ZNF536: variants seen among roughly 807,000 people sequenced by gnomAD.
The protein encoded by ZNF536 is zinc finger protein 536.
ZNF536 carries 13 observed loss-of-function variants against 84.5 expected under a neutral mutation model. The ratio of observed to expected loss-of-function variants is 0.15; its 90% CI spans 0.10 to 0.24. The LOEUF (loss-of-function observed/expected upper bound fraction) is 0.24, where lower values mean the gene tolerates loss of function less well. Among genes scored for constraint, ZNF536 ranks in the 10% least tolerant of loss-of-function variants. The pLI is 1.00. For synonymous variants in ZNF536, 811 were observed against 742.5 expected, an observed-to-expected ratio of 1.09 and a Z score of -1.50; for missense variants, 1,536 against 1,747.5, an observed-to-expected ratio of 0.88 and a Z score of 2.16.
intron 1 of ZNF536, among the ~76,000 whole-genome samples, chr19:30,592,717 A>G (rs1425081929): frequency 6.6e-6 from 1 of 151,776 alleles, no homozygotes; most frequent in African/African-American, 2.4e-5. Context: ...AAGCCCAAAG[A>G]TTAAATCAAC....
intron 1 of ZNF536, among the ~76,000 whole-genome samples, chr19:30,700,264 TTC>T (rs2051879385): frequency 6.9e-6 from 1 of 144,588 alleles, no homozygotes; most frequent in Admixed American, 6.9e-5. Context: ...CTTTCTTTCT[TTC>T]TCTTTGTGTC....
intron 1 of ZNF536, among the ~76,000 whole-genome samples, chr19:30,612,404 A>G (rs1337208621): frequency 6.6e-6 from 1 of 152,160 alleles, no homozygotes; most frequent in East Asian, 1.9e-4. Flanking sequence ...TTGCGGGACC[A>G]TCACCTCTTT....
At chr19:30,673,977 C>T (rs576991760) in intron 1 of ZNF536, among the ~76,000 whole-genome samples, 1 of 152,288 alleles carries the variant, frequency 6.6e-6, no homozygotes, top group African/African-American at 2.4e-5. Context: ...CACTTGGGTT[C>T]CATCAGCTGT....
chr19:30,625,630 G>A (rs2048647138), intron 1 of ZNF536, among the ~76,000 whole-genome samples: 1 of 152,206 alleles, frequency 6.6e-6, no homozygotes, highest in Admixed American at 6.5e-5. Flanking sequence ...ATGTTGAGAG[G>A]TTATGAAAAC....
At chr19:30,553,742 G>A (rs1389665622) in intron 4 of ZNF536, among the ~76,000 whole-genome samples, 3 of 152,200 alleles carry the variant, frequency 2.0e-5, no homozygotes, top group Non-Finnish European at 2.9e-5. Context: ...AGGCAGGGGC[G>A]TTGCATAAGC....
intron 2 of ZNF536, among the ~76,000 whole-genome samples, chr19:30,460,321 G>A (rs1004698318): frequency 5.9e-5 from 9 of 152,170 alleles, no homozygotes; most frequent in Non-Finnish European, 1.2e-4. Flanking sequence ...GATTCAGACG[G>A]AGGAGGAGGC....
chr19:30,713,541 A>G (rs934227623), downstream of ZNF536: 1 of 152,168 alleles, frequency 6.6e-6, no homozygotes, highest in Non-Finnish European at 1.5e-5. Flanking sequence ...TTTTTTCAGC[A>G]ATGACTGTTT....
intron 2 of ZNF536, among the ~76,000 whole-genome samples, chr19:30,305,545 C>T (rs1291390488): frequency 6.6e-6 from 1 of 152,172 alleles, no homozygotes; most frequent in African/African-American, 2.4e-5. Flanking sequence ...CTGAGATAGC[C>T]CTGAGCCTCA....
chr19:30,505,544 C>T (rs913592384), intron 2 of ZNF536, among the ~76,000 whole-genome samples: 8 of 150,842 alleles, frequency 5.3e-5, no homozygotes, highest in Admixed American at 4.6e-4. Context: ...CAAGGATATT[C>T]ACTGAGACTC....
intron 2 of ZNF536, among the ~76,000 whole-genome samples, chr19:30,323,271 C>T (rs748948625): frequency 3.9e-5 from 6 of 152,136 alleles, no homozygotes; most frequent in Non-Finnish European, 5.9e-5. Context: ...CCTCCTTTTC[C>T]CCTAGCCCTT....
upstream of ZNF536, among the ~76,000 whole-genome samples, chr19:30,226,107 C>T (rs1319300954): frequency 6.6e-6 from 1 of 151,724 alleles, no homozygotes; most frequent in Non-Finnish European, 1.5e-5. The surrounding 1 kb of genome is among the most constrained non-coding windows in gnomAD (Gnocchi z 4.6). Flanking sequence ...GCCTGGCGCC[C>T]GGCGCGCGAT....
At chr19:30,527,010 C>G (rs2044613384) in intron 2 of ZNF536, among the ~76,000 whole-genome samples, 1 of 151,848 alleles carries the variant, frequency 6.6e-6, no homozygotes, top group African/African-American at 2.4e-5. Context: ...CCTCCGCCTC[C>G]TGGGTTCAAG....
intron 1 of ZNF536, among the ~76,000 whole-genome samples, chr19:30,577,925 G>A (rs952182242): frequency 5.9e-5 from 9 of 152,202 alleles, no homozygotes; most frequent in Admixed American, 4.6e-4. Context: ...CCTGTGGTGG[G>A]GATGAAGAGA....
At chr19:30,617,501 C>T (rs2048345423) in intron 1 of ZNF536, among the ~76,000 whole-genome samples, 1 of 151,542 alleles carries the variant, frequency 6.6e-6, no homozygotes, top group Admixed American at 6.6e-5. Flanking sequence ...CAGGCGCCTG[C>T]CACCACGCCT....
intron 1 of ZNF536, among the ~76,000 whole-genome samples, chr19:30,603,484 T>G (rs1302246657): frequency 5.3e-5 from 8 of 152,208 alleles, no homozygotes; most frequent in Non-Finnish European, 1.2e-4. Flanking sequence ...AAAAATAGTG[T>G]GGAGTCTGTT....
intron 2 of ZNF536, among the ~76,000 whole-genome samples, chr19:30,330,934 GTT>G (rs974587580): frequency 2.0e-5 from 3 of 152,072 alleles, no homozygotes; most frequent in Non-Finnish European, 2.9e-5. Flanking sequence ...AGGACTAGAG[GTT>G]TCAGTCCCTA....
chr19:30,548,169 C>G lies in ZNF536; in HGVS notation c.2550C>G (p.Phe850Leu), dbSNP rs777862337. Residue 850 changes from phenylalanine (F) to leucine (L), a missense_variant, in exon 4 of 5, where the codon TTC becomes TTG. Phe to Leu is a conservative substitution (Grantham distance 22, BLOSUM62 0). This residue lies in a region of ZNF536 where 624 missense variants were observed against 603.1 expected (regional missense o/e 1.03). Coordinates refer to ENST00000355537, the MANE Select transcript of ZNF536 (RefSeq NM_014717.3). ...GAFKGLPGID[F>L]RGGPASQQWT... ...TCAAGGGTCTCCCTGGAATCGACTT[C>G]AGAGGAGGCCCTGCATCTCAGCAGT... 6.2e-7 allele frequency: 1 copy of G among 1,614,170 alleles called. No homozygotes were observed. The highest frequency in any genetic ancestry group is 8.5e-7 in the Non-Finnish European group (1 of 1,180,034).
At chr19:30,312,228 G>A (rs553141289) in intron 2 of ZNF536, among the ~76,000 whole-genome samples, 4 of 152,256 alleles carry the variant, frequency 2.6e-5, no homozygotes, top group African/African-American at 9.6e-5. Context: ...CCAGGATGGC[G>A]AGGTGCATGT....
At chr19:30,635,985 C>T (rs1325045500) in intron 1 of ZNF536, among the ~76,000 whole-genome samples, 2 of 152,204 alleles carry the variant, frequency 1.3e-5, no homozygotes, top group Non-Finnish European at 2.9e-5. Context: ...CGCCGGAGAG[C>T]TGTGCAAGGT....
Sources: gnomAD v4.1 joint callset for allele counts (sites outside exome capture counted in the v4.1 genomes callset) on GRCh38, gnomAD v4.1.1 for gene constraint, gnomAD v4.1.1 regional missense constraint, Gnocchi (gnomAD v3.1) non-coding constraint, MANE v1.5 for transcripts, NCBI Gene and HGNC (gene_info 2026-07-23, HGNC 2026-07-21) for gene names.